The following EIF4A3 variants were observed in gnomAD, a reference collection of about 807,000 sequenced individuals.
EIF4A3 encodes the protein eukaryotic initiation factor 4A-III.
Under a neutral mutation model 55.6 loss-of-function variants are expected in EIF4A3, and 1 was observed. The ratio of observed to expected loss-of-function variants is 0.02; its 90% CI spans 0.01 to 0.09. The LOEUF is 0.09. Ranked by LOEUF, EIF4A3 falls within the 10% of genes least tolerant of loss-of-function variation. The pLI is 1.00. For synonymous variants in EIF4A3, 194 were observed against 196.3 expected (o/e 0.99, Z 0.10); for missense variants, 221 against 540.7 (o/e 0.41, Z 5.86).
chr17:80,143,917 T>C (rs1457816147), intron 2 of EIF4A3, among the ~76,000 whole-genome samples: 1 of 152,074 alleles, frequency 6.6e-6, no homozygotes, highest in Non-Finnish European at 1.5e-5. Flanking sequence ...GAGGCAAAGG[T>C]TGCAGTGAGC....
At chr17:80,140,211 G>T in intron 4 of EIF4A3, 71 bp from the exon 5 acceptor site, 2 of 1,426,298 alleles carry the variant, frequency 1.4e-6, no homozygotes, top group Non-Finnish European at 9.3e-7. Flanking sequence ...AAGAAAGACT[G>T]TTTCTCCTCC....
rs185675622 is a variant in EIF4A3 at position 80,139,992 on chromosome 17, C to G, written c.505+16G>C. On this transcript the variant is annotated intron_variant, in intron 5 of 11. Coordinates refer to ENST00000649764, the MANE Select transcript of EIF4A3 (RefSeq NM_014740.4). ...ATACTACCGGCAGCACCATTTTTAG[C>G]GACAAAAGTGCTTACCAAAAACACG... 6.2e-7 allele frequency: 1 copy of G among 1,605,818 alleles called. No individual in the cohort carries two copies. Among genetic ancestry groups the G allele is most frequent in the South Asian group, 1.1e-5 (1 of 90,346 alleles).
intron 4 of EIF4A3, 34 bp from the exon 5 acceptor site, chr17:80,140,174 G>T: frequency 6.6e-7 from 1 of 1,507,792 alleles, no homozygotes; most frequent in South Asian, 1.3e-5. Flanking sequence ...TCCAGGGTGG[G>T]AGAGAGAAAC....
chr17:80,140,075 A>G lies in EIF4A3; in HGVS notation c.438T>C (p.Val146=). ...QCHACIGGTN[V]GEDIRKLDYG... is the part of the protein sequence containing the mutation. Reference sequence around the variant, plus strand: ...AATCCAGCTTCCTGATGTCCTCGCCAACATTGGTGCCTCCAATGCAGGCAT... The same window carrying G: ...AATCCAGCTTCCTGATGTCCTCGCCGACATTGGTGCCTCCAATGCAGGCAT... The change falls in exon 5 of 12, where the codon GTT becomes GTC. Residue 146 remains valine, a synonymous_variant. Transcript: ENST00000649764. 2 of 1,614,024 alleles carry G rather than the reference A, an allele frequency of 1.2e-6. No individual in the cohort carries two copies. Among genetic ancestry groups the G allele is most frequent in the Middle Eastern group, 3.3e-4 (2 of 6,060 alleles).
intron 1 of EIF4A3, 128 bp downstream of exon 1, chr17:80,146,665 C>T (rs1323265998): frequency 3.4e-6 from 4 of 1,178,588 alleles, no homozygotes; most frequent in Admixed American, 6.1e-5. Context: ...GTCACTGGCC[C>T]CCGAGCCTCG....
chr17:80,144,289 T>C (rs1345073829), intron 1 of EIF4A3, 45 bp from the exon 2 acceptor site: 1 of 1,580,000 alleles, frequency 6.3e-7, no homozygotes, highest in South Asian at 1.1e-5. Context: ...AATGACAGCA[T>C]AGAAACCCTG....
At chr17:80,141,462 T>A (rs746984214) in intron 3 of EIF4A3, 81 bp from the exon 4 acceptor site, 1 of 1,335,570 alleles carries the variant, frequency 7.5e-7, no homozygotes, top group Non-Finnish European at 1.1e-6. Context: ...CAGATCTATA[T>A]GAGAAATACT....
At chr17:80,137,292 C>G (rs1044203758) in intron 9 of EIF4A3, 94 bp downstream of exon 9, 18 of 1,087,506 alleles carry the variant, frequency 1.7e-5, no homozygotes, top group Non-Finnish European at 2.2e-5. Flanking sequence ...GGCATCCCCC[C>G]GGGTGTGGGG....
At position 80,139,701 on chromosome 17, in the gene EIF4A3, A is replaced by C. The variant is rs139315570; in HGVS notation, c.555T>G (p.Val185=). The C allele has an allele frequency of 1.1e-4, 185 of 1,613,854 alleles. No homozygotes were observed. Among genetic ancestry groups the C allele is most frequent in the Non-Finnish European group, 1.5e-4 (182 of 1,180,006 alleles). The change falls in exon 6 of 12, where the codon GTT becomes GTG. Residue 185 remains valine, a synonymous_variant. Transcript: ENST00000649764. ...SLRTRAIKML[V]LDEADEMLNK... ...TCAACATTTCATCAGCTTCATCCAA[A>C]ACCAACATTTTGATAGCACGTGTCC...
Position 80,137,447 on chromosome 17 carries a change from G to C in EIF4A3, c.922C>G (p.His308Asp). Residue 308 changes from histidine (H) to aspartate (D), a missense_variant, in exon 9 of 12, where the codon CAT becomes GAT. Coordinates refer to ENST00000649764, the MANE Select transcript of EIF4A3 (RefSeq NM_014740.4). ...REANFTVSSM[H>D]GDMPQKERES... ...CGCTCTTTCTGGGGCATGTCTCCAT[G>C]CATTGAGGATACAGTGAAGTTGGCT... 6.2e-7 allele frequency: 1 copy of C among 1,614,084 alleles called. No individual in the cohort carries two copies. The highest frequency in any genetic ancestry group is 8.5e-7 in the Non-Finnish European group (1 of 1,179,990).
rs2039562134 is a variant in EIF4A3 at position 80,135,381 on chromosome 17, T to C, written c.*109A>G. 7.6e-7 allele frequency: 1 copy of C among 1,315,082 alleles called. No homozygotes were observed. Among genetic ancestry groups the C allele is most frequent in the Non-Finnish European group, 1.0e-6 (1 of 979,876 alleles). 81.5% of individuals were successfully genotyped at this position (1,315,082 alleles called of 1,614,324 possible). ...AGGAAGGGAGACGGCAGGCCATTTA[T>C]GAGAAGAAAGTCCATATAAACCCCA... On this transcript the variant is annotated 3_prime_UTR_variant, in exon 12 of 12. Transcript: ENST00000649764.
chr17:80,140,128 G>A lies in EIF4A3; in HGVS notation c.385C>T (p.Leu129Phe). ...AVQIQKGLLA[L>F]GDYMNVQCHA... ...CACTGGACATTCATGTAGTCACCGAGAGCAAGCAGCCCCTGAAACAAAGCA... is the reference window on the plus strand; with the variant it reads ...CACTGGACATTCATGTAGTCACCGAAAGCAAGCAGCCCCTGAAACAAAGCA... Residue 129 changes from leucine (L) to phenylalanine (F), a missense_variant, in exon 5 of 12, where the codon CTC (leucine) becomes TTC (phenylalanine). Transcript: ENST00000649764. 17 of 1,602,078 alleles carry A rather than the reference G, an allele frequency of 1.1e-5. No homozygotes were observed. The highest frequency in any genetic ancestry group is 1.4e-5 in the Non-Finnish European group (17 of 1,173,774).
chr17:80,142,357 T>A (rs1438059116), intron 2 of EIF4A3, among the ~76,000 whole-genome samples: 2 of 152,194 alleles, frequency 1.3e-5, no homozygotes, highest in Non-Finnish European at 2.9e-5. Flanking sequence ...ATTGATGGGT[T>A]AGGCCTCAGG....
chr17:80,135,752 T>G, intron 11 of EIF4A3: 1 of 605,250 alleles, frequency 1.7e-6, no homozygotes, highest in Non-Finnish European at 2.9e-6. Context: ...AAAAATTAGC[T>G]GGCTATGGTG....
chr17:80,142,661 C>T (rs2039627605), intron 2 of EIF4A3, among the ~76,000 whole-genome samples: 1 of 152,156 alleles, frequency 6.6e-6, no homozygotes, highest in Admixed American at 6.5e-5. Context: ...GGGACGATTC[C>T]TTAATCCTCG....
At position 80,136,345 on chromosome 17, in the gene EIF4A3, GAA is replaced by G; in HGVS notation, c.984-12_984-11del. 1.2e-6 allele frequency: 2 copies of G among 1,607,882 alleles called. No individual in the cohort carries two copies. Among genetic ancestry groups the G allele is most frequent in the Non-Finnish European group, 1.7e-6 (2 of 1,175,438 alleles). On this transcript the variant is annotated splice_polypyrimidine_tract_variant and intron_variant, in intron 9 of 11. Transcript: ENST00000649764. ...AGAAATAAGCACTCGGCTGCAAAAA[GAA>G]AGAGTGTTTGAGGCGATTAAATTAC...
intron 11 of EIF4A3, 190 bp downstream of exon 11, chr17:80,135,814 G>T: frequency 1.5e-6 from 1 of 687,864 alleles, no homozygotes. Flanking sequence ...AGAATTGCTT[G>T]AACCCAGGAG....
intron 4 of EIF4A3, 175 bp from the exon 5 acceptor site, chr17:80,140,315 T>C (rs2039607199): frequency 1.7e-4 from 24 of 143,658 alleles, no homozygotes; most frequent in African/African-American, 1.0e-3. Flanking sequence ...TAATTTTGCT[T>C]TTTTTTTTTT....
At chr17:80,139,983 C>G in intron 5 of EIF4A3, 25 bp downstream of exon 5, 1 of 1,605,216 alleles carries the variant, frequency 6.2e-7, no homozygotes, top group Non-Finnish European at 8.5e-7. Context: ...CCGGCAGCAC[C>G]ATTTTTAGCG....
Sources: gnomAD v4.1 joint callset for allele counts (sites outside exome capture counted in the v4.1 genomes callset) on GRCh38, gnomAD v4.1.1 for gene constraint, MANE v1.5 for transcripts, NCBI Gene and HGNC (gene_info 2026-07-23, HGNC 2026-07-21) for gene names.